The following AFF3 variants were observed in gnomAD, a reference collection of about 807,000 sequenced individuals.
The protein encoded by AFF3 is ALF transcription elongation factor 3, also known as AF4/FMR2 family member 3.
In AFF3, 32 loss-of-function variants were observed where a neutral mutation model predicts 129.7. The observed-to-expected ratio is 0.25, with a 90% confidence interval of 0.19 to 0.33. The LOEUF (loss-of-function observed/expected upper bound fraction) is 0.33, where lower values mean the gene tolerates loss of function less well. Ranked by LOEUF, AFF3 falls within the 10% of genes least tolerant of loss-of-function variation. The probability of loss-of-function intolerance (pLI) is 1.00; values close to 1 mark genes in which losing one functional copy is unlikely to be tolerated. For missense variants in AFF3, 1,373 were observed against 1,592.0 expected (o/e 0.86, Z 2.34); for synonymous variants, 644 against 635.4 (o/e 1.01, Z -0.20).
At chr2:100,120,629 A>G (rs1311009715) in intron 2 of AFF3, among the ~76,000 whole-genome samples, 3 of 152,106 alleles carry the variant, frequency 2.0e-5, no homozygotes, top group Non-Finnish European at 4.4e-5. Context: ...TCAGAAAATT[A>G]TTATGAGATT....
At chr2:99,592,627 C>T (rs1444295905) in intron 15 of AFF3, among the ~76,000 whole-genome samples, 1 of 152,284 alleles carries the variant, frequency 6.6e-6, no homozygotes, top group East Asian at 1.9e-4. Flanking sequence ...GCTTAATTAC[C>T]TATAACTATA....
At chr2:99,709,771 C>T (rs1348078541) in intron 11 of AFF3, among the ~76,000 whole-genome samples, 1 of 152,180 alleles carries the variant, frequency 6.6e-6, no homozygotes, top group Non-Finnish European at 1.5e-5. Flanking sequence ...AGAAACTCCA[C>T]AAGCAAATAA....
intron 7 of AFF3, among the ~76,000 whole-genome samples, chr2:99,983,247 G>C (rs1419301139): frequency 2.0e-5 from 3 of 152,236 alleles, no homozygotes; most frequent in Non-Finnish European, 2.9e-5. Flanking sequence ...TCCAATGGCA[G>C]AGGTGGCAGA....
chr2:99,646,332 A>AGGAACCAGTGTGCATGGCC (rs796358825), intron 13 of AFF3, among the ~76,000 whole-genome samples: 2 of 152,326 alleles, frequency 1.3e-5, no homozygotes, highest in African/African-American at 4.8e-5. Flanking sequence ...CTCCTCCATG[A>AGGAACCAGTGTGCATGGCC]GGAACCAGTG....
rs142865789 is a variant in AFF3, at chr2:99,979,480, T to A, written c.873+27152A>T. Among the ~76,000 whole-genome samples, 94 of 152,154 alleles carry A rather than the reference T, an allele frequency of 6.2e-4. 1 individual carries two copies. The East Asian group carries it at 0.014, about 22-fold the overall frequency. Reference sequence around the variant, plus strand: ...AGCTCCCCATCTTTAGAAATTTTTTTAAATTCTTTATCTCTTTTTTTTTTT... The same window carrying A: ...AGCTCCCCATCTTTAGAAATTTTTTAAAATTCTTTATCTCTTTTTTTTTTT... On this transcript the variant is annotated intron_variant, in intron 7 of 24. Transcript: ENST00000672756.
chr2:99,856,661 G>C (rs967683820), intron 7 of AFF3, among the ~76,000 whole-genome samples: 2 of 152,112 alleles, frequency 1.3e-5, no homozygotes, highest in Admixed American at 6.5e-5. Context: ...TACGTTTTAA[G>C]TTTCAAACAA....
At chr2:100,014,204 T>C (rs1367337043) in intron 4 of AFF3, among the ~76,000 whole-genome samples, 2 of 151,988 alleles carry the variant, frequency 1.3e-5, no homozygotes, top group African/African-American at 4.8e-5. Context: ...ATTGTATCCC[T>C]TGACTAGAAT....
At position 100,011,709 on chromosome 2, in the gene AFF3, C is replaced by A. The variant is rs927977139; in HGVS notation, c.54-2777G>T. On this transcript the variant is annotated intron_variant, in intron 4 of 24. Transcript: ENST00000672756. ...AATCCAAGATCCCGGAGGGTCAGAA[C>A]GGGAGGCAAGCTGAACAAAGGAAGG... 9.0e-6 allele frequency: 6 copies of A among 668,172 alleles called. 1 individual carries two copies. The highest frequency in any genetic ancestry group is 8.9e-5 in the African/African-American group (5 of 55,880). 41.4% of individuals were successfully genotyped at this position (668,172 alleles called of 1,614,324 possible). A position where few individuals can be genotyped will look rare whatever the true frequency, so the allele number is the denominator to read the frequency against.
chr2:100,103,843 G>T (rs1473514366), intron 4 of AFF3, among the ~76,000 whole-genome samples: 1 of 151,958 alleles, frequency 6.6e-6, no homozygotes, highest in Non-Finnish European at 1.5e-5. Context: ...ATACCGGCAC[G>T]GAGAAACACT....
At chr2:99,915,480 T>C (rs1695414325) in intron 7 of AFF3, among the ~76,000 whole-genome samples, 2 of 152,152 alleles carry the variant, frequency 1.3e-5, no homozygotes, top group Admixed American at 6.5e-5. Context: ...AAAAAGGAAC[T>C]GAGAATGGGA....
intron 12 of AFF3, among the ~76,000 whole-genome samples, chr2:99,657,891 A>G (rs1685891196): frequency 6.6e-6 from 1 of 152,250 alleles, no homozygotes; most frequent in African/African-American, 2.4e-5. Flanking sequence ...TGGGGGCCTT[A>G]CGTGAGGCCA....
chr2:99,961,873 G>A (rs193260363), intron 7 of AFF3, among the ~76,000 whole-genome samples: 26 of 152,308 alleles, frequency 1.7e-4, no homozygotes, highest in Middle Eastern at 3.4e-3. Flanking sequence ...ACCAGGAGGG[G>A]TGGAATCCGC....
At chr2:100,136,419 G>T (rs1047852390) in intron 1 of AFF3, among the ~76,000 whole-genome samples, 1 of 152,334 alleles carries the variant, frequency 6.6e-6, no homozygotes, top group Middle Eastern at 3.4e-3. Context: ...GAGGAGGAAG[G>T]TTTCCAGAAG....
intron 7 of AFF3, among the ~76,000 whole-genome samples, chr2:99,851,638 GT>G (rs757059475): frequency 4.1e-4 from 63 of 152,238 alleles, no homozygotes; most frequent in Non-Finnish European, 6.8e-4. Flanking sequence ...AAAAATCAAA[GT>G]TTTCATTCAG....
At chr2:100,027,410 A>G (rs1684134177) in intron 4 of AFF3, among the ~76,000 whole-genome samples, 1 of 152,234 alleles carries the variant, frequency 6.6e-6, no homozygotes, top group South Asian at 2.1e-4. Context: ...TCCAAGAGAT[A>G]CAGGACCTCC....
chr2:99,835,388 T>C (rs1433768601), intron 8 of AFF3, among the ~76,000 whole-genome samples: 1 of 152,096 alleles, frequency 6.6e-6, no homozygotes, highest in Admixed American at 6.5e-5. Context: ...GTGTCACAGA[T>C]ACACAATAAA....
intron 11 of AFF3, among the ~76,000 whole-genome samples, chr2:99,724,706 G>A (rs534057696): frequency 1.3e-5 from 2 of 152,256 alleles, no homozygotes; most frequent in South Asian, 4.1e-4. Flanking sequence ...AAGGCATCCT[G>A]AATCTCACTC....
At chr2:99,830,465 T>C (rs1275944949) in intron 8 of AFF3, among the ~76,000 whole-genome samples, 1 of 152,094 alleles carries the variant, frequency 6.6e-6, no homozygotes, top group Non-Finnish European at 1.5e-5. Flanking sequence ...TTAAAGATAA[T>C]CACGGGCCAG....
chr2:100,051,865 G>A (rs762597496), intron 4 of AFF3, among the ~76,000 whole-genome samples: 4 of 152,168 alleles, frequency 2.6e-5, no homozygotes, highest in Non-Finnish European at 5.9e-5. Context: ...CAACACTATG[G>A]GAGAGATTTG....
Sources: allele counts gnomAD v4.1 joint callset (sites outside exome capture counted in the v4.1 genomes callset), GRCh38; gene constraint gnomAD v4.1.1; transcripts MANE v1.5; gene names NCBI Gene and HGNC (gene_info 2026-07-23, HGNC 2026-07-21).